The following ZBTB7C variants were observed in gnomAD, a reference collection of about 807,000 sequenced individuals.
The protein encoded by ZBTB7C is zinc finger and BTB domain-containing protein 7C.
In ZBTB7C, 8 loss-of-function variants were observed where a neutral mutation model predicts 25.7. The ratio of observed to expected loss-of-function variants is 0.31; its 90% CI spans 0.18 to 0.56. The LOEUF (loss-of-function observed/expected upper bound fraction) is 0.56. Ranked by LOEUF, ZBTB7C falls within the 20% of genes least tolerant of loss-of-function variation. The pLI, the probability that ZBTB7C is intolerant of heterozygous loss-of-function variation, is 0.91. For synonymous variants in ZBTB7C, 394 were observed against 369.0 expected (o/e 1.07, Z -0.78); for missense variants, 824 against 855.2 (o/e 0.96, Z 0.46).
intron 1 of ZBTB7C, among the ~76,000 whole-genome samples, chr18:48,400,658 T>C (rs1403381566): frequency 6.6e-6 from 1 of 152,242 alleles, no homozygotes; most frequent in Non-Finnish European, 1.5e-5. Flanking sequence ...ACTAGTCCTG[T>C]GGGGCTACTG....
intron 2 of ZBTB7C, among the ~76,000 whole-genome samples, chr18:48,217,828 G>T (rs905819069): frequency 6.6e-6 from 1 of 152,200 alleles, no homozygotes; most frequent in Non-Finnish European, 1.5e-5. Context: ...GGGAACACTG[G>T]GTTGTCTGCT....
intron 1 of ZBTB7C, among the ~76,000 whole-genome samples, chr18:48,360,038 T>G (rs1406159844): frequency 1.3e-5 from 2 of 152,202 alleles, no homozygotes; most frequent in Non-Finnish European, 2.9e-5. Flanking sequence ...AATAGACCCT[T>G]CAGGGAGGAA....
At chr18:48,297,953 G>C (rs1422429203) in intron 2 of ZBTB7C, among the ~76,000 whole-genome samples, 1 of 152,108 alleles carries the variant, frequency 6.6e-6, no homozygotes, top group Admixed American at 6.6e-5. Flanking sequence ...CCTCTTGTCT[G>C]TGCAGTCACT....
At chr18:48,070,722 G>T (rs946855611) in intron 3 of ZBTB7C, among the ~76,000 whole-genome samples, 2 of 152,180 alleles carry the variant, frequency 1.3e-5, no homozygotes, top group African/African-American at 4.8e-5. Flanking sequence ...GTACATGTTG[G>T]GGGAAGGAGT....
At chr18:48,250,989 TGA>T (rs1346762157) in intron 2 of ZBTB7C, among the ~76,000 whole-genome samples, 1 of 152,096 alleles carries the variant, frequency 6.6e-6, no homozygotes, top group Middle Eastern at 3.2e-3. Flanking sequence ...TTTGGGAGGC[TGA>T]GTTGGGAGGA....
rs140563530 is a variant in ZBTB7C at position 48,236,322 on chromosome 18, C to A, written c.-78-50327G>T. On this transcript the variant is annotated intron_variant, in intron 2 of 4. Coordinates refer to ENST00000590800, the MANE Select transcript of ZBTB7C (RefSeq NM_001318841.2). ...AGGCCAATGTCACCTCTTCTAGAAG[C>A]CTTTTAAGTTCATAAATGGATACCT... Among the ~76,000 whole-genome samples, 593 of 152,272 alleles carry A rather than the reference C, an allele frequency of 3.9e-3. 1 individual carries two copies. Among genetic ancestry groups the A allele is most frequent in the African/African-American group, 0.013 (556 of 41,558 alleles).
At chr18:48,246,181 G>A (rs978697576) in intron 2 of ZBTB7C, among the ~76,000 whole-genome samples, 1 of 152,010 alleles carries the variant, frequency 6.6e-6, no homozygotes, top group Non-Finnish European at 1.5e-5. Context: ...GGCCGGGCGC[G>A]GTGGCTCACA....
chr18:48,281,701 C>T (rs1393488549), intron 2 of ZBTB7C, among the ~76,000 whole-genome samples: 2 of 152,020 alleles, frequency 1.3e-5, no homozygotes, highest in Non-Finnish European at 2.9e-5. Context: ...CCAAAAAACA[C>T]ATGAAAAAAT....
At chr18:48,267,460 G>C (rs948802730) in intron 2 of ZBTB7C, among the ~76,000 whole-genome samples, 6 of 152,292 alleles carry the variant, frequency 3.9e-5, no homozygotes, top group South Asian at 2.1e-4. Context: ...GTCTTTTCAC[G>C]ACTGGGTCTT....
chr18:48,077,101 T>G (rs1423336570), intron 3 of ZBTB7C: 4 of 711,984 alleles, frequency 5.6e-6, no homozygotes, highest in Non-Finnish European at 6.9e-6. Flanking sequence ...TCTATGATTT[T>G]TTTTCTTATT....
intron 3 of ZBTB7C, chr18:48,185,411 C>A: frequency 2.7e-6 from 1 of 364,766 alleles, no homozygotes; most frequent in Non-Finnish European, 5.3e-6. Flanking sequence ...CCAATGCCTG[C>A]TGCTTCTCGT....
intron 3 of ZBTB7C, among the ~76,000 whole-genome samples, chr18:48,111,587 C>G (rs747361768): frequency 6.6e-6 from 1 of 152,038 alleles, no homozygotes; most frequent in African/African-American, 2.4e-5. Context: ...GGCTGGGGGT[C>G]GGCAGGAGGG....
chr18:48,209,886 C>T (rs12232732), intron 2 of ZBTB7C, among the ~76,000 whole-genome samples: 43,720 of 151,740 alleles, frequency 0.29, 6,702 homozygotes, highest in East Asian at 0.54. Flanking sequence ...AAAAGCAACC[C>T]ACACTTGGTA....
intron 2 of ZBTB7C, among the ~76,000 whole-genome samples, chr18:48,328,181 C>CAAA (rs55654378): frequency 3.4e-5 from 2 of 58,842 alleles, no homozygotes; most frequent in African/African-American, 1.2e-4. Flanking sequence ...GACTCTGTCT[C>CAAA]AAAAAAAAAA....
Position 48,040,305 on chromosome 18 carries a change from G to A in ZBTB7C, c.803C>T (p.Ala268Val), listed in dbSNP as rs1303938325. Reference sequence around the variant, plus strand: ...GTCCATGGGCTGCTCAGGCAGCTGGGCAAAGGCACCGAAGTCCCCTGGCCA... The same window carrying A: ...GTCCATGGGCTGCTCAGGCAGCTGGACAAAGGCACCGAAGTCCCCTGGCCA... Reference protein sequence around the residue: ...HLWPGDFGAFAQLPEQPMDSG... With the variant: ...HLWPGDFGAFVQLPEQPMDSG... Residue 268 changes from alanine (A) to valine (V), a missense_variant, in exon 4 of 5, where the codon GCC (alanine) becomes GTC (valine). Transcript: ENST00000590800. The A allele has an allele frequency of 4.4e-6, 7 of 1,579,956 alleles. No individual in the cohort carries two copies. The highest frequency in any genetic ancestry group is 5.2e-6 in the Non-Finnish European group (6 of 1,164,948).
intron 3 of ZBTB7C, among the ~76,000 whole-genome samples, chr18:48,181,738 G>C (rs2041929461): frequency 6.6e-6 from 1 of 152,110 alleles, no homozygotes. Flanking sequence ...TGGAATCTTA[G>C]GCCTAGTGGG....
chr18:48,034,602 G>A (rs977885911), intron 4 of ZBTB7C, among the ~76,000 whole-genome samples: 6 of 152,144 alleles, frequency 3.9e-5, no homozygotes, highest in Admixed American at 3.3e-4. Context: ...ATGCTCTTTC[G>A]TACTCTGCAC....
At chr18:48,396,567 A>G (rs1188926958) in intron 1 of ZBTB7C, among the ~76,000 whole-genome samples, 1 of 152,242 alleles carries the variant, frequency 6.6e-6, no homozygotes, top group Admixed American at 6.5e-5. Context: ...GTACTAGGAC[A>G]GAGAAACCTT....
rs200797457 is a variant in ZBTB7C, at chr18:48,137,412, G to GTTT, written c.-17+48519_-17+48521dup. 1.9e-3 allele frequency: 1,484 copies of GTTT among 799,420 alleles called. 7 individuals carry two copies. The highest frequency in any genetic ancestry group is 2.1e-3 in the Non-Finnish European group (1,402 of 661,594). The allele number at this position is 799,420 out of a possible 1,614,324, so 49.5% of individuals were successfully genotyped here. On this transcript the variant is annotated intron_variant, in intron 3 of 4. Coordinates refer to ENST00000590800, the MANE Select transcript of ZBTB7C (RefSeq NM_001318841.2). ...GGTTCCTCCGTTTTGTTTTTTGTGG[G>GTTT]TTTCCCCCCACTCTCCTTCTCTAGT...
Sources: gnomAD v4.1 joint callset for allele counts (sites outside exome capture counted in the v4.1 genomes callset) on GRCh38, gnomAD v4.1.1 for gene constraint, MANE v1.5 for transcripts, NCBI Gene and HGNC (gene_info 2026-07-23, HGNC 2026-07-21) for gene names.